DIO2: variants seen among roughly 807,000 people sequenced by gnomAD.
The protein encoded by DIO2 is iodothyronine deiodinase 2.
A neutral mutation model predicts 21.4 loss-of-function variants in DIO2; 19 were observed. The ratio of observed to expected loss-of-function variants is 0.89; its 90% confidence interval spans 0.62 to 1.30. The LOEUF (loss-of-function observed/expected upper bound fraction) is 1.30. Among genes scored for constraint, DIO2 ranks in the 50% most tolerant of loss-of-function variants. The pLI is 0.00. For missense variants in DIO2, 302 were observed against 338.1 expected (o/e 0.89, Z 0.84); for synonymous variants, 122 against 132.9 (o/e 0.92, Z 0.57).
Position 80,202,134 on chromosome 14 carries a change from T to C in DIO2, c.*555A>G. 3 of 335,848 alleles carry C rather than the reference T, an allele frequency of 8.9e-6. No homozygotes were observed. The highest frequency in any genetic ancestry group is 7.0e-5 in the South Asian group (3 of 42,970). The allele number at this position is 335,848 out of a possible 1,614,324, so 20.8% of individuals were successfully genotyped here. On this transcript the variant is annotated 3_prime_UTR_variant, in exon 2 of 2. Coordinates refer to ENST00000438257, the MANE Select transcript of DIO2 (RefSeq NM_013989.5). ...CCAATAATTTCTGGGGTATGAAGACTGAGAGCACTACATGGCTAGAAGCTG... is the reference window on the plus strand; with the variant it reads ...CCAATAATTTCTGGGGTATGAAGACCGAGAGCACTACATGGCTAGAAGCTG...
chr14:80,226,322 C>T (rs554716237), intron 2 of DIO2, among the ~76,000 whole-genome samples: 3 of 152,294 alleles, frequency 2.0e-5, no homozygotes, highest in Admixed American at 2.0e-4. Flanking sequence ...GAGCGTGAGC[C>T]CACTGCCACA....
chr14:80,210,696 C>T (rs2055057729), intron 1 of DIO2, among the ~76,000 whole-genome samples: 1 of 152,134 alleles, frequency 6.6e-6, no homozygotes, highest in Non-Finnish European at 1.5e-5. Flanking sequence ...CAGCTGCTTG[C>T]TTTCATTAAC....
Position 80,198,543 on chromosome 14 carries a change from C to T in DIO2, c.*4146G>A, listed in dbSNP as rs1225901393. The T allele has an allele frequency of 6.6e-6, 1 of 152,336 alleles. No homozygotes were observed. Among genetic ancestry groups the T allele is most frequent in the Non-Finnish European group, 1.5e-5 (1 of 68,036 alleles). 9.4% of individuals were successfully genotyped at this position (152,336 alleles called of 1,614,324 possible). A position where few individuals can be genotyped will look rare whatever the true frequency, so the allele number is the denominator to read the frequency against. On this transcript the variant is annotated 3_prime_UTR_variant, in exon 2 of 2. Transcript: ENST00000438257. ...TAGACCAAGCCCTCAGGGCCTTGTTCTTCCCAGTTAGCAACTTTCTAGCTC... is the reference window on the plus strand; with the variant it reads ...TAGACCAAGCCCTCAGGGCCTTGTTTTTCCCAGTTAGCAACTTTCTAGCTC...
At chr14:80,223,204 T>C (rs1184435983) in intron 2 of DIO2, among the ~76,000 whole-genome samples, 1 of 152,168 alleles carries the variant, frequency 6.6e-6, no homozygotes, top group Non-Finnish European at 1.5e-5. Context: ...ATTTTATTTT[T>C]TTAATTGTAT....
chr14:80,210,164 C>T (rs778441173), intron 1 of DIO2, among the ~76,000 whole-genome samples: 9 of 150,808 alleles, frequency 6.0e-5, no homozygotes, highest in Non-Finnish European at 1.3e-4. Flanking sequence ...ATTTTGATAA[C>T]TACTTTTGCC....
intron 2 of DIO2, among the ~76,000 whole-genome samples, chr14:80,217,095 C>T (rs1888377382): frequency 6.6e-6 from 1 of 152,036 alleles, no homozygotes; most frequent in African/African-American, 2.4e-5. Context: ...CTAAGTAAGG[C>T]TCAAAGAAAA....
intron 2 of DIO2, among the ~76,000 whole-genome samples, chr14:80,229,657 C>G (rs150912635): frequency 1.1e-3 from 172 of 152,292 alleles, no homozygotes; most frequent in Admixed American, 2.3e-3. Context: ...AGCTCGCTCA[C>G]AGTGTGCCAT....
At chr14:80,215,377 C>A (rs183683448), upstream of DIO2, among the ~76,000 whole-genome samples, 1 of 152,260 alleles carries the variant, frequency 6.6e-6, no homozygotes, top group Admixed American at 6.5e-5. Context: ...CTTTAGTCCT[C>A]TTCTTGACTC....
upstream of DIO2, among the ~76,000 whole-genome samples, chr14:80,213,386 T>C (rs182245101): frequency 1.4e-3 from 220 of 152,318 alleles, 1 homozygote; most frequent in Middle Eastern, 6.8e-3. Flanking sequence ...GTTAGCGTAT[T>C]GCGTATTTTT....
intron 2 of DIO2, among the ~76,000 whole-genome samples, chr14:80,222,933 G>A (rs1888495036): frequency 6.6e-6 from 1 of 150,416 alleles, no homozygotes. Context: ...CACAATCATA[G>A]CTCATTGCAG....
chr14:80,212,382 T>C (rs928656225), upstream of DIO2, among the ~76,000 whole-genome samples: 1 of 152,064 alleles, frequency 6.6e-6, no homozygotes, highest in African/African-American at 2.4e-5. Context: ...GAATTTTGCT[T>C]TGTGATTTAA....
intron 2 of DIO2, among the ~76,000 whole-genome samples, chr14:80,218,772 GT>G (rs1422929056): frequency 6.6e-6 from 1 of 152,130 alleles, no homozygotes; most frequent in African/African-American, 2.4e-5. Flanking sequence ...GAGGCCAGGA[GT>G]TCGAGACCAG....
At chr14:80,223,225 G>A (rs559563994) in intron 2 of DIO2, among the ~76,000 whole-genome samples, 83 of 152,108 alleles carry the variant, frequency 5.5e-4, no homozygotes, top group Admixed American at 7.8e-4. Flanking sequence ...CATACTAATG[G>A]TGAAAAACCC....
At chr14:80,227,099 A>G (rs1888591818) in intron 2 of DIO2, among the ~76,000 whole-genome samples, 1 of 152,262 alleles carries the variant, frequency 6.6e-6, no homozygotes, top group South Asian at 2.1e-4. Flanking sequence ...ATTTCCTTCC[A>G]CTGCTGTCCC....
chr14:80,223,097 C>T (rs138303018), intron 2 of DIO2, among the ~76,000 whole-genome samples: 466 of 152,216 alleles, frequency 3.1e-3, no homozygotes, highest in Non-Finnish European at 5.0e-3. Context: ...ATCTTCCCAC[C>T]TCTGCCTCCC....
upstream of DIO2, among the ~76,000 whole-genome samples, chr14:80,213,299 A>T (rs1166730354): frequency 2.6e-5 from 4 of 152,164 alleles, no homozygotes; most frequent in Admixed American, 1.3e-4. Context: ...TGAGTTTTAG[A>T]TACTGGGTAA....
chr14:80,205,634 C>T (rs1887920599), intron 1 of DIO2: 1 of 1,331,856 alleles, frequency 7.5e-7, no homozygotes, highest in Middle Eastern at 2.1e-4. Context: ...GTTAAGGCAC[C>T]TTCTCCTTCT....
rs976370519 is a variant in DIO2 at position 80,201,668 on chromosome 14, G to T, written c.*1021C>A. On this transcript the variant is annotated 3_prime_UTR_variant, in exon 2 of 2. Coordinates refer to ENST00000438257, the MANE Select transcript of DIO2 (RefSeq NM_013989.5). ...TGGTTTTCCTTTAATAGGTATCATG[G>T]GGTATAATTAACCCACTGAAAATAT... is the stretch of plus-strand genomic sequence containing the variant. 1 of 151,994 alleles carries T rather than the reference G, an allele frequency of 6.6e-6. No homozygotes were observed. Among genetic ancestry groups the T allele is most frequent in the Non-Finnish European group, 1.5e-5 (1 of 67,994 alleles). The allele number at this position is 151,994 out of a possible 1,614,324, so 9.4% of individuals were successfully genotyped here.
rs868143034 is a variant in DIO2, at chr14:80,201,568, C to A, written c.*1121G>T. ...TTCAGAGAGAACACTGCTATAGAGA[C>A]CAAGATTAGGAATGACTTGGGCCAC... On this transcript the variant is annotated 3_prime_UTR_variant, in exon 2 of 2. Coordinates refer to ENST00000438257, the MANE Select transcript of DIO2 (RefSeq NM_013989.5). The A allele has an allele frequency of 2.0e-5, 3 of 151,970 alleles. No individual in the cohort carries two copies. The highest frequency in any genetic ancestry group is 2.9e-5 in the Non-Finnish European group (2 of 68,040). 9.4% of individuals were successfully genotyped at this position (151,970 alleles called of 1,614,324 possible). A position where few individuals can be genotyped will look rare whatever the true frequency, so the allele number is the denominator to read the frequency against.
Sources: gnomAD v4.1 joint callset for allele counts (sites outside exome capture counted in the v4.1 genomes callset) on GRCh38, gnomAD v4.1.1 for gene constraint, MANE v1.5 for transcripts, NCBI Gene and HGNC (gene_info 2026-07-23, HGNC 2026-07-21) for gene names.